Variants in FAM221A observed in about 807,000 individuals in gnomAD.
FAM221A encodes the protein protein FAM221A.
Under a neutral mutation model 37.6 loss-of-function variants are expected in FAM221A, and 43 were observed. The observed-to-expected ratio is 1.15, with a 90% CI of 0.90 to 1.48. The LOEUF is 1.48. Ranked by LOEUF, FAM221A falls within the 40% of genes most tolerant of loss-of-function variation. FAM221A has a pLI of 0.00. For synonymous variants in FAM221A, 135 were observed against 132.9 expected, an observed-to-expected ratio of 1.02 and a Z score of -0.11; for missense variants, 361 against 361.5, an observed-to-expected ratio of 1.00 and a Z score of 0.01.
At chr7:23,688,704 T>A (rs1584262046) in intron 2 of FAM221A, 1 of 152,138 alleles carries the variant, frequency 6.6e-6, no homozygotes, top group South Asian at 2.1e-4. Flanking sequence ...TGGTACGATC[T>A]GGGCTCACCG....
At chr7:23,697,512 C>G (rs1785131003) in intron 4 of FAM221A, among the ~76,000 whole-genome samples, 1 of 152,112 alleles carries the variant, frequency 6.6e-6, no homozygotes, top group Non-Finnish European at 1.5e-5. Context: ...ATTTTTCATA[C>G]TTTGTTTTTA....
downstream of FAM221A, chr7:23,702,673 T>C (rs1452092301): frequency 6.6e-6 from 1 of 152,254 alleles, no homozygotes; most frequent in Admixed American, 6.5e-5. Context: ...ATTACTGATT[T>C]TTTTTTTCAA....
intron 3 of FAM221A, among the ~76,000 whole-genome samples, chr7:23,690,199 A>ATATATATATATATAT (rs774313037): frequency 2.0e-3 from 95 of 48,708 alleles, no homozygotes; most frequent in East Asian, 3.4e-3. Context: ...ATATATATAT[A>ATATATATATATATAT]TTTTTTTTTT....
chr7:23,682,691 C>T (rs987058785), intron 1 of FAM221A, among the ~76,000 whole-genome samples: 2 of 152,060 alleles, frequency 1.3e-5, no homozygotes, highest in African/African-American at 4.8e-5. Context: ...TCCCAAAGTC[C>T]TGGGATTACA....
intron 5 of FAM221A, 33 bp downstream of exon 5, chr7:23,698,332 T>A (rs774462304): frequency 1.4e-5 from 16 of 1,158,590 alleles, no homozygotes; most frequent in Admixed American, 4.5e-5. Context: ...TGTTTTTGGA[T>A]GTAGTAAATT....
chr7:23,697,255 C>T (rs762089258), intron 4 of FAM221A, among the ~76,000 whole-genome samples: 1 of 152,210 alleles, frequency 6.6e-6, no homozygotes, highest in Non-Finnish European at 1.5e-5. Flanking sequence ...ACTGAGCAAT[C>T]GTCCCACACT....
At position 23,691,506 on chromosome 7, in the gene FAM221A, G is replaced by A. The variant is rs1157099797; in HGVS notation, c.547G>A (p.Gly183Arg). The A allele has an allele frequency of 4.3e-6, 7 of 1,614,202 alleles. No individual in the cohort carries two copies. Among genetic ancestry groups the A allele is most frequent in the Non-Finnish European group, 5.9e-6 (7 of 1,180,032 alleles). The change falls in exon 4 of 7, where the codon GGA (glycine) becomes AGA (arginine). Residue 183 changes from glycine to arginine, a missense_variant. Transcript: ENST00000344962. ...AAGATTGGCTCAGGAAAAACCAGTG[G>A]GACAGGACATTCCTTATGCAGCCAT... Reference protein sequence around the residue: ...QERLAQEKPVGQDIPYAAMGG... With the variant: ...QERLAQEKPVRQDIPYAAMGG...
intron 1 of FAM221A, among the ~76,000 whole-genome samples, chr7:23,684,285 G>T (rs1784235372): frequency 6.8e-6 from 1 of 146,696 alleles, no homozygotes; most frequent in Admixed American, 6.8e-5. Context: ...CTTTGTATAA[G>T]GACCCTGGTT....
intron 4 of FAM221A, among the ~76,000 whole-genome samples, chr7:23,696,834 T>C (rs867678848): frequency 3.9e-5 from 6 of 152,192 alleles, no homozygotes; most frequent in South Asian, 2.1e-4. Context: ...GCCATGTGGA[T>C]ACCTAGACCG....
chr7:23,689,524 G>A (rs891304829), intron 3 of FAM221A, 65 bp downstream of exon 3: 7 of 1,256,542 alleles, frequency 5.6e-6, no homozygotes, highest in South Asian at 4.0e-5. Flanking sequence ...AATATTTAAC[G>A]TGCTTTTTTA....
At chr7:23,685,208 A>G (rs1784293892) in intron 2 of FAM221A, among the ~76,000 whole-genome samples, 1 of 152,226 alleles carries the variant, frequency 6.6e-6, no homozygotes, top group Non-Finnish European at 1.5e-5. Flanking sequence ...AGATCACGCC[A>G]CTGCACACCA....
intron 6 of FAM221A, among the ~76,000 whole-genome samples, chr7:23,701,469 G>A (rs1785452785): frequency 1.3e-5 from 2 of 152,028 alleles, no homozygotes; most frequent in Admixed American, 1.3e-4. Context: ...TGGATCTCCT[G>A]ACCTCGTGAT....
At position 23,685,767 on chromosome 7, in the gene FAM221A, G is replaced by A. The variant is rs571204150; in HGVS notation, c.239+1095G>A. Among the ~76,000 whole-genome samples, 8 of 152,324 alleles carry A rather than the reference G, an allele frequency of 5.3e-5. No individual in the cohort carries two copies. In the South Asian group the frequency reaches 1.7e-3, roughly 32 times the overall value. On this transcript the variant is annotated intron_variant, in intron 2 of 6. Coordinates refer to ENST00000344962, the MANE Select transcript of FAM221A (RefSeq NM_199136.5). ...CTTCAGTTTTTGGCTTGAGTTGTCT[G>A]TATCTGAAGTTTGCGTTTTGCTGTG... is the stretch of plus-strand genomic sequence containing the variant.
intron 4 of FAM221A, chr7:23,692,161 G>C: frequency 1.0e-6 from 1 of 963,678 alleles, no homozygotes; most frequent in Non-Finnish European, 1.2e-6. Context: ...AGTTTAATAG[G>C]ATCTATTCTA....
chr7:23,692,899 T>C (rs1282076438), intron 4 of FAM221A: 5 of 242,620 alleles, frequency 2.1e-5, no homozygotes, highest in Non-Finnish European at 2.6e-5. Context: ...AACTCCTGGG[T>C]TCAAGCGATC....
At chr7:23,683,391 G>T (rs1396425404) in intron 1 of FAM221A, among the ~76,000 whole-genome samples, 1 of 152,150 alleles carries the variant, frequency 6.6e-6, no homozygotes, top group African/African-American at 2.4e-5. Flanking sequence ...GTGTATTTAG[G>T]TTCCGCATTA....
chr7:23,689,200 TA>T, intron 2 of FAM221A, 68 bp from the exon 3 acceptor site: 1 of 1,020,296 alleles, frequency 9.8e-7, no homozygotes, highest in Non-Finnish European at 1.4e-6. Flanking sequence ...GCCTTTAATA[TA>T]ATAGAAATTG....
intron 1 of FAM221A, among the ~76,000 whole-genome samples, chr7:23,681,435 T>TTATTGAGACGGGGTCTGA (rs1784032060): frequency 6.6e-6 from 1 of 152,208 alleles, no homozygotes; most frequent in Non-Finnish European, 1.5e-5. Context: ...GTTATTTATT[T>TTATTGAGACGGGGTCTGA]TATTGAGACG....
chr7:23,691,739 G>C (rs1562523787), intron 4 of FAM221A, 143 bp downstream of exon 4: 1 of 769,608 alleles, frequency 1.3e-6, no homozygotes, highest in Admixed American at 3.2e-5. Context: ...TTTTAAAAGA[G>C]GTTTTTAAAA....
Sources: gnomAD v4.1 joint callset for allele counts (sites outside exome capture counted in the v4.1 genomes callset) on GRCh38, gnomAD v4.1.1 for gene constraint, MANE v1.5 for transcripts, NCBI Gene and HGNC (gene_info 2026-07-23, HGNC 2026-07-21) for gene names.